Variants in CLIP1 observed in about 807,000 individuals in gnomAD.
CLIP1 encodes CAP-Gly domain-containing linker protein 1.
A neutral mutation model predicts 161.6 loss-of-function variants in CLIP1; 66 were observed. The observed-to-expected ratio is 0.41, with a 90% CI of 0.33 to 0.50. CLIP1 has a LOEUF of 0.50. Ranked by LOEUF, CLIP1 falls within the 20% of genes least tolerant of loss-of-function variation. The probability of loss-of-function intolerance (pLI) is 0.27; values close to 1 mark genes in which losing one functional copy is unlikely to be tolerated. For synonymous variants in CLIP1, 598 were observed against 626.2 expected (o/e 0.96, Z 0.67); for missense variants, 1,376 against 1,702.0 (o/e 0.81, Z 3.37).
chr12:122,406,719 G>C (rs899062859), intron 1 of CLIP1, among the ~76,000 whole-genome samples: 1 of 152,104 alleles, frequency 6.6e-6, no homozygotes, highest in African/African-American at 2.4e-5. Context: ...TGTACCTAGA[G>C]AAGTTTTAAA....
intron 24 of CLIP1, chr12:122,275,800 T>C (rs957787592): frequency 2.0e-5 from 3 of 152,148 alleles, no homozygotes; most frequent in African/African-American, 7.2e-5. Flanking sequence ...TGACTGATAA[T>C]GGTGGAGCAA....
chr12:122,357,389 C>A (rs1742496128), intron 5 of CLIP1, among the ~76,000 whole-genome samples: 1 of 149,840 alleles, frequency 6.7e-6, no homozygotes, highest in Admixed American at 6.6e-5. Context: ...AAGTGAGGAG[C>A]CCCTCCGCCC....
chr12:122,384,594 T>G (rs1445085998), intron 1 of CLIP1, among the ~76,000 whole-genome samples: 2 of 151,918 alleles, frequency 1.3e-5, no homozygotes, highest in African/African-American at 4.8e-5. Flanking sequence ...AAACCCCGCC[T>G]CTACTAAAAA....
At chr12:122,347,508 C>A in intron 9 of CLIP1, 29 bp from the exon 10 acceptor site, 1 of 1,536,120 alleles carries the variant, frequency 6.5e-7, no homozygotes, top group South Asian at 1.1e-5. Flanking sequence ...AGGAAGAGAA[C>A]ACAACAGTGC....
intron 1 of CLIP1, among the ~76,000 whole-genome samples, chr12:122,411,563 C>T (rs1956535401): frequency 6.6e-6 from 1 of 152,242 alleles, no homozygotes; most frequent in African/African-American, 2.4e-5. Flanking sequence ...TATTACTCAA[C>T]CATAAAAAGG....
At chr12:122,336,486 T>A in intron 12 of CLIP1, 146 bp downstream of exon 12, 1 of 558,114 alleles carries the variant, frequency 1.8e-6, no homozygotes, top group Non-Finnish European at 3.2e-6. Context: ...CAAAGGACAA[T>A]ATTTATCAGC....
intron 1 of CLIP1, among the ~76,000 whole-genome samples, chr12:122,413,375 C>T (rs1440848928): frequency 1.3e-5 from 2 of 152,082 alleles, no homozygotes; most frequent in Non-Finnish European, 2.9e-5. Context: ...ATACATCAAA[C>T]CCAAGTTTTG....
intron 21 of CLIP1, among the ~76,000 whole-genome samples, chr12:122,284,291 G>A (rs1229170946): frequency 1.3e-5 from 2 of 151,356 alleles, no homozygotes; most frequent in Non-Finnish European, 2.9e-5. Context: ...TAAACATTGA[G>A]GACATAAAAC....
At chr12:122,367,719 T>C (rs1954237604) in intron 3 of CLIP1, among the ~76,000 whole-genome samples, 1 of 152,204 alleles carries the variant, frequency 6.6e-6, no homozygotes, top group Non-Finnish European at 1.5e-5. Context: ...ACATTTTCAA[T>C]ATTGAAACAA....
At position 122,374,023 on chromosome 12, in the gene CLIP1, T is replaced by C. The variant is rs114955066; in HGVS notation, c.657+3366A>G. Among the ~76,000 whole-genome samples, 610 of 152,296 alleles carry C rather than the reference T, an allele frequency of 4.0e-3. 7 individuals carry two copies. Among genetic ancestry groups the C allele is most frequent in the African/African-American group, 0.014 (586 of 41,570 alleles). On this transcript the variant is annotated intron_variant, in intron 3 of 25. Coordinates refer to ENST00000620786, the MANE Select transcript of CLIP1 (RefSeq NM_001247997.2). The stretch of plus-strand genomic sequence containing the variant: ...ATATTTTTTTTAATTCTCAGGAAGA[T>C]ATTTTTCCCCTTTCACAGTATCAAA...
chr12:122,276,400 A>ACACACACACACACACACC, intron 24 of CLIP1: 1 of 1,289,064 alleles, frequency 7.8e-7, no homozygotes, highest in Non-Finnish European at 1.0e-6. Flanking sequence ...ACACACACAC[A>ACACACACACACACACACC]CACACGTGTG....
chr12:122,329,281 C>T (rs1218780596), intron 15 of CLIP1, among the ~76,000 whole-genome samples: 2 of 151,944 alleles, frequency 1.3e-5, no homozygotes, highest in Admixed American at 6.6e-5. Context: ...GAGCCAAGAT[C>T]GCATCACTGC....
intron 1 of CLIP1, among the ~76,000 whole-genome samples, chr12:122,394,037 A>G (rs1191594172): frequency 6.6e-6 from 1 of 152,106 alleles, no homozygotes; most frequent in Non-Finnish European, 1.5e-5. Context: ...GTCTACTTCA[A>G]AAAACAGGAT....
At position 122,307,558 on chromosome 12, in the gene CLIP1, A is replaced by G. The variant is rs538997791; in HGVS notation, c.3594+2204T>C. On this transcript the variant is annotated intron_variant, in intron 20 of 25. Transcript: ENST00000620786. ...TTTCTGTAGTACTACAACTAAAATT[A>G]TTTTTTTTAAATAGCATTTCTGCCA... is the stretch of plus-strand genomic sequence containing the variant. 2.3e-4 allele frequency among the ~76,000 whole-genome samples: 35 copies of G among 152,192 alleles called. 1 individual carries two copies. The South Asian group carries it at 6.2e-3, about 27-fold the overall frequency.
intron 19 of CLIP1, among the ~76,000 whole-genome samples, chr12:122,314,831 A>G (rs1405168429): frequency 1.3e-5 from 2 of 152,178 alleles, no homozygotes; most frequent in Non-Finnish European, 2.9e-5. Context: ...ATTACAACAA[A>G]TGACTTTGTT....
At chr12:122,392,106 T>C (rs2136983560) in intron 1 of CLIP1, among the ~76,000 whole-genome samples, 1 of 152,080 alleles carries the variant, frequency 6.6e-6, no homozygotes, top group Non-Finnish European at 1.5e-5. Context: ...CCCCCATCTC[T>C]ACAAAAAAAT....
intron 14 of CLIP1, 88 bp downstream of exon 14, chr12:122,333,939 T>A: frequency 1.3e-6 from 1 of 785,216 alleles, no homozygotes. Flanking sequence ...GCCTGAATAG[T>A]ACATTTGTTA....
At chr12:122,399,007 C>A (rs1956046618) in intron 1 of CLIP1, among the ~76,000 whole-genome samples, 1 of 148,638 alleles carries the variant, frequency 6.7e-6, no homozygotes, top group Admixed American at 6.7e-5. Flanking sequence ...ACAAGCAGTT[C>A]CCAAAAACAA....
chr12:122,315,741 C>T (rs952660076), intron 19 of CLIP1, among the ~76,000 whole-genome samples: 11 of 151,530 alleles, frequency 7.3e-5, no homozygotes, highest in South Asian at 4.2e-4. Context: ...CCCGGGTTCA[C>T]GCCATTCTCC....
Sources: gnomAD v4.1 joint callset for allele counts (sites outside exome capture counted in the v4.1 genomes callset) on GRCh38, gnomAD v4.1.1 for gene constraint, MANE v1.5 for transcripts, NCBI Gene and HGNC (gene_info 2026-07-23, HGNC 2026-07-21) for gene names.